The following RIC1 variants were observed in gnomAD, a reference collection of about 807,000 sequenced individuals.
The protein encoded by RIC1 is RIC1 partner of RAB6A GEF complex.
Under a neutral mutation model 169.0 loss-of-function variants are expected in RIC1, and 88 were observed. The observed-to-expected ratio is 0.52, with a 90% confidence interval of 0.44 to 0.62. The LOEUF is 0.62. Among genes scored for constraint, RIC1 ranks in the 20% least tolerant of loss-of-function variants. RIC1 has a pLI of 0.00. For synonymous variants in RIC1, 790 were observed against 601.5 expected (o/e 1.31, Z -4.59); for missense variants, 1,877 against 1,725.5 (o/e 1.09, Z -1.56).
intron 3 of RIC1, among the ~76,000 whole-genome samples, chr9:5,692,012 G>C (rs1351984090): frequency 6.6e-6 from 1 of 152,016 alleles, no homozygotes; most frequent in East Asian, 1.9e-4. Context: ...TAACTAAGTA[G>C]TCCTGACAAT....
intron 7 of RIC1, among the ~76,000 whole-genome samples, chr9:5,737,891 TG>T (rs1205986906): frequency 1.3e-5 from 2 of 152,040 alleles, no homozygotes; most frequent in African/African-American, 4.8e-5. Context: ...ATTGATTAAG[TG>T]GAAGTGGATC....
chr9:5,685,028 T>G (rs182918505), intron 2 of RIC1, among the ~76,000 whole-genome samples: 12 of 150,524 alleles, frequency 8.0e-5, no homozygotes, highest in Middle Eastern at 6.8e-3. Context: ...GTTGTGATGT[T>G]TTTTTTTTAT....
chr9:5,719,908 T>G (rs940152460), intron 4 of RIC1, among the ~76,000 whole-genome samples: 6 of 152,240 alleles, frequency 3.9e-5, no homozygotes, highest in Non-Finnish European at 8.8e-5. Context: ...CACTTCTGTT[T>G]CCATCTTCTA....
chr9:5,756,162 C>G lies in RIC1; in HGVS notation c.1693-50C>G, dbSNP rs756971968. The G allele has an allele frequency of 2.3e-6, 3 of 1,284,904 alleles. No homozygotes were observed. In the East Asian group the frequency reaches 7.9e-5, roughly 34 times the overall value. The allele number at this position is 1,284,904 out of a possible 1,614,324, so 79.6% of individuals were successfully genotyped here. ...AGCATGTTTAAAGTATTTGGTCATCCCTAGTAGTTATCTTGTTTTTATAAT... is the reference window on the plus strand; with the variant it reads ...AGCATGTTTAAAGTATTTGGTCATCGCTAGTAGTTATCTTGTTTTTATAAT... On this transcript the variant is annotated intron_variant, in intron 15 of 25. Transcript: ENST00000414202.
At chr9:5,711,761 G>A (rs1206412601) in intron 3 of RIC1, among the ~76,000 whole-genome samples, 1 of 151,970 alleles carries the variant, frequency 6.6e-6, no homozygotes, top group Non-Finnish European at 1.5e-5. Context: ...ATGTGTGATG[G>A]TCCCTTTCCT....
chr9:5,670,803 A>C (rs1820043983), intron 2 of RIC1, among the ~76,000 whole-genome samples: 1 of 152,186 alleles, frequency 6.6e-6, no homozygotes, highest in Admixed American at 6.5e-5. Context: ...TTTATTATTC[A>C]AATAAGTCTT....
Position 5,742,234 on chromosome 9 carries a change from A to T in RIC1, c.902-635A>T, listed in dbSNP as rs117807046. On this transcript the variant is annotated intron_variant, in intron 8 of 25. Transcript: ENST00000414202. ...TTTTGTTAGATTACCTGTCTTGGGC[A>T]AGCTCTGAGCTTTATCTCCTGTTCC... is the stretch of plus-strand genomic sequence containing the variant. 3.9e-5 allele frequency among the ~76,000 whole-genome samples: 6 copies of T among 152,294 alleles called. No homozygotes were observed. The East Asian group carries it at 1.2e-3, about 29-fold the overall frequency.
At chr9:5,678,089 C>T (rs1314848560) in intron 2 of RIC1, among the ~76,000 whole-genome samples, 2 of 150,502 alleles carry the variant, frequency 1.3e-5, no homozygotes, top group African/African-American at 4.9e-5. Context: ...TGAGTGAGAA[C>T]ATGCGGTGTT....
chr9:5,651,184 T>C (rs1195986847), intron 1 of RIC1, among the ~76,000 whole-genome samples: 2 of 152,138 alleles, frequency 1.3e-5, no homozygotes, highest in South Asian at 2.1e-4. Context: ...GTATCTCTCA[T>C]TTACCTTTCC....
chr9:5,670,713 C>G (rs931138582), intron 2 of RIC1, among the ~76,000 whole-genome samples: 1 of 152,160 alleles, frequency 6.6e-6, no homozygotes, highest in African/African-American at 2.4e-5. Flanking sequence ...TGCCTGAATA[C>G]AATTGATTTA....
chr9:5,646,233 C>T (rs142866769), intron 1 of RIC1, among the ~76,000 whole-genome samples: 46 of 152,088 alleles, frequency 3.0e-4, no homozygotes, highest in Admixed American at 7.9e-4. Context: ...TGAAAGTGTC[C>T]GTTGAAGTTC....
chr9:5,717,485 C>G (rs80236679), intron 4 of RIC1, among the ~76,000 whole-genome samples: 3 of 152,204 alleles, frequency 2.0e-5, no homozygotes, highest in Admixed American at 6.5e-5. Flanking sequence ...TTAATGCAAG[C>G]AGAAAGCTGA....
chr9:5,751,955 T>C (rs1825748230), intron 12 of RIC1, among the ~76,000 whole-genome samples: 1 of 152,192 alleles, frequency 6.6e-6, no homozygotes, highest in African/African-American at 2.4e-5. Context: ...TAGAGTAAAA[T>C]GAAAAATAAA....
intron 12 of RIC1, among the ~76,000 whole-genome samples, chr9:5,750,150 T>G (rs1186415569): frequency 6.6e-6 from 1 of 151,860 alleles, no homozygotes. Context: ...TTTAAAACTT[T>G]TGAAGTCATT....
At chr9:5,647,358 A>G (rs1159321287) in intron 1 of RIC1, among the ~76,000 whole-genome samples, 3 of 152,140 alleles carry the variant, frequency 2.0e-5, no homozygotes, top group Admixed American at 6.5e-5. Flanking sequence ...TGCTGTTAGG[A>G]TTTTGAAAGG....
At chr9:5,689,314 A>T (rs10815272) in intron 2 of RIC1, among the ~76,000 whole-genome samples, 1 of 151,638 alleles carries the variant, frequency 6.6e-6, no homozygotes, top group South Asian at 2.1e-4. Flanking sequence ...GCCTCCCAAA[A>T]TACTGGGATT....
At chr9:5,714,041 C>G in intron 4 of RIC1, 38 bp downstream of exon 4, 1 of 1,345,454 alleles carries the variant, frequency 7.4e-7, no homozygotes, top group Non-Finnish European at 1.1e-6. Flanking sequence ...TGTGTGATGA[C>G]AGTAGACAAT....
chr9:5,715,738 G>A (rs1355537636), intron 4 of RIC1, among the ~76,000 whole-genome samples: 2 of 152,044 alleles, frequency 1.3e-5, no homozygotes, highest in African/African-American at 4.8e-5. Flanking sequence ...ATTAATTGAG[G>A]ATAGAGAATG....
At chr9:5,714,341 T>C (rs935104095) in intron 4 of RIC1, among the ~76,000 whole-genome samples, 11 of 152,204 alleles carry the variant, frequency 7.2e-5, no homozygotes, top group African/African-American at 2.7e-4. Context: ...AAAGTGCCTT[T>C]GTTTCCAAAG....
Sources: gnomAD v4.1 joint callset for allele counts (sites outside exome capture counted in the v4.1 genomes callset) on GRCh38, gnomAD v4.1.1 for gene constraint, MANE v1.5 for transcripts, NCBI Gene and HGNC (gene_info 2026-07-23, HGNC 2026-07-21) for gene names.